The following RALB variants were observed in gnomAD, a reference collection of about 807,000 sequenced individuals.
The protein encoded by RALB is RAS like proto-oncogene B, also known as ras-related protein Ral-B.
In RALB, 16 loss-of-function variants were observed where a neutral mutation model predicts 21.3. That is an observed-to-expected ratio of 0.75 (90% CI 0.51 to 1.14). RALB has a LOEUF of 1.14. RALB is among the 50% of genes most tolerant of loss of function. RALB has a pLI of 0.00. For missense variants in RALB, 161 were observed against 256.2 expected (o/e 0.63, Z 2.54); for synonymous variants, 93 against 96.1 (o/e 0.97, Z 0.19).
chr2:120,253,523 G>C, intron 1 of RALB: 1 of 985,584 alleles, frequency 1.0e-6, no homozygotes, highest in Non-Finnish European at 1.2e-6. Flanking sequence ...TTTCTGATAG[G>C]GGCCAGCGGC....
At chr2:120,284,011 G>C (rs893727098) in intron 2 of RALB, among the ~76,000 whole-genome samples, 2 of 152,164 alleles carry the variant, frequency 1.3e-5, no homozygotes, top group African/African-American at 4.8e-5. Context: ...CTTTATCCTT[G>C]GAAGCTCAGA....
At chr2:120,266,095 A>C (rs1689494777) in intron 1 of RALB, among the ~76,000 whole-genome samples, 1 of 152,192 alleles carries the variant, frequency 6.6e-6, no homozygotes, top group African/African-American at 2.4e-5. Context: ...TAGTTCAGGA[A>C]AGTTATCAGA....
chr2:120,269,026 T>C (rs1558950522), intron 1 of RALB, among the ~76,000 whole-genome samples: 1 of 152,254 alleles, frequency 6.6e-6, no homozygotes, highest in Non-Finnish European at 1.5e-5. Context: ...TCCTCCTAAA[T>C]GGATACATCT....
chr2:120,271,422 T>A (rs557888520), intron 1 of RALB, among the ~76,000 whole-genome samples: 2 of 152,374 alleles, frequency 1.3e-5, no homozygotes, highest in South Asian at 4.1e-4. Flanking sequence ...ACATCCTTAG[T>A]TTGGAGTGTC....
intron 1 of RALB, among the ~76,000 whole-genome samples, chr2:120,261,302 T>C (rs1194277087): frequency 6.6e-6 from 1 of 152,110 alleles, no homozygotes; most frequent in Admixed American, 6.5e-5. Context: ...AATTAAGTTC[T>C]TGGGCATGGT....
At chr2:120,292,867 C>T (rs556786399) in intron 4 of RALB, among the ~76,000 whole-genome samples, 42 of 151,328 alleles carry the variant, frequency 2.8e-4, no homozygotes, top group Non-Finnish European at 4.9e-4. Flanking sequence ...TTGTGTGATA[C>T]GAGCAGTTGT....
intron 1 of RALB, among the ~76,000 whole-genome samples, chr2:120,276,284 T>C (rs972923859): frequency 2.0e-5 from 3 of 152,272 alleles, no homozygotes; most frequent in African/African-American, 7.2e-5. Context: ...AAATAATTGA[T>C]TTCTTGGGCT....
chr2:120,287,774 C>G (rs1690203136), intron 3 of RALB, among the ~76,000 whole-genome samples: 1 of 152,160 alleles, frequency 6.6e-6, no homozygotes, highest in Non-Finnish European at 1.5e-5. Context: ...AAAGAGAGAT[C>G]CTTAGAAGAA....
intron 2 of RALB, among the ~76,000 whole-genome samples, chr2:120,282,205 G>A (rs1017334971): frequency 6.6e-6 from 1 of 152,138 alleles, no homozygotes; most frequent in African/African-American, 2.4e-5. Context: ...GGGGCCGGGC[G>A]CGGTGGCTCA....
In RALB at chr2:120,288,342, G is replaced by GTTTTTTTTTTTTT. The variant is rs547733377; in HGVS notation, c.324-1227_324-1226insTTTTTTTTTTTTT. 1.4e-4 allele frequency among the ~76,000 whole-genome samples: 16 copies of GTTTTTTTTTTTTT among 117,076 alleles called. 3 individuals carry two copies. Among genetic ancestry groups the GTTTTTTTTTTTTT allele is most frequent in the Admixed American group, 1.9e-4 (2 of 10,264 alleles). 76.8% of individuals were successfully genotyped at this position (117,076 alleles called of 152,430 possible). On this transcript the variant is annotated intron_variant, in intron 3 of 4. Coordinates refer to ENST00000272519, the MANE Select transcript of RALB (RefSeq NM_002881.3). ...TTAAATTGACTACATGAAAATTTTAGTTTTTTTTTTTGTTTTTTTTTTTGT... is the reference window on the plus strand; with the variant it reads ...TTAAATTGACTACATGAAAATTTTAGTTTTTTTTTTTTTTTTTTTTTTTTGTTTTTTTTTTTGT...
At chr2:120,244,694 C>T (rs1688942560) in intron 1 of RALB, among the ~76,000 whole-genome samples, 1 of 152,174 alleles carries the variant, frequency 6.6e-6, no homozygotes, top group Non-Finnish European at 1.5e-5. Flanking sequence ...CTACTGTGGG[C>T]CAGATGCTGT....
chr2:120,262,579 T>G (rs1689392464), intron 1 of RALB, among the ~76,000 whole-genome samples: 1 of 152,104 alleles, frequency 6.6e-6, no homozygotes, highest in South Asian at 2.1e-4. Context: ...AGCAGTGTGC[T>G]CCCCTTAAGA....
rs747629158 is a variant in RALB, at chr2:120,286,030, C to T, written c.271C>T (p.Leu91Phe). Reference protein sequence around the residue: ...NYFRSGEGFLLVFSITEHESF... With the variant: ...NYFRSGEGFLFVFSITEHESF... ...CTTTCGGAGTGGGGAAGGGTTTCTT[C>T]TTGTGTTCTCAATCACAGAACATGA... The change falls in exon 3 of 5, where the codon CTT becomes TTT. Residue 91 changes from leucine to phenylalanine, a missense_variant. By Grantham distance (22) the Leu-to-Phe change is conservative (BLOSUM62 0). Coordinates refer to ENST00000272519, the MANE Select transcript of RALB (RefSeq NM_002881.3). 1.2e-6 allele frequency: 2 copies of T among 1,614,014 alleles called. No individual in the cohort carries two copies. Among genetic ancestry groups the T allele is most frequent in the South Asian group, 2.2e-5 (2 of 91,068 alleles).
intron 1 of RALB, among the ~76,000 whole-genome samples, chr2:120,266,232 T>C (rs901173751): frequency 1.3e-5 from 2 of 152,032 alleles, no homozygotes; most frequent in African/African-American, 4.8e-5. Flanking sequence ...CTGGACAACA[T>C]AGTCTCTACA....
At position 120,278,546 on chromosome 2, in the gene RALB, A is replaced by T; in HGVS notation, c.-47-72A>T. ...TGGGTTAGTTAGGCTTTAATGGAGG[A>T]TGTGAATGACATTTGGTTTTAGCTA... On this transcript the variant is annotated intron_variant, in intron 1 of 4. Transcript: ENST00000272519. 9 of 1,294,004 alleles carry T rather than the reference A, an allele frequency of 7.0e-6. No individual in the cohort carries two copies. The South Asian group carries it at 1.6e-4, about 23-fold the overall frequency. 80.2% of individuals were successfully genotyped at this position (1,294,004 alleles called of 1,614,324 possible).
chr2:120,285,809 T>A, intron 2 of RALB, 65 bp from the exon 3 acceptor site: 1 of 1,396,514 alleles, frequency 7.2e-7, no homozygotes, highest in Non-Finnish European at 1.0e-6. Flanking sequence ...TGTGGAATTT[T>A]GTTTTTTGGC....
chr2:120,289,496 A>G lies in RALB; in HGVS notation c.324-84A>G, dbSNP rs1381292961. 8.6e-6 allele frequency: 12 copies of G among 1,392,496 alleles called. No homozygotes were observed. The highest frequency in any genetic ancestry group is 1.2e-5 in the Non-Finnish European group (12 of 1,000,602). 86.3% of individuals were successfully genotyped at this position (1,392,496 alleles called of 1,614,324 possible). On this transcript the variant is annotated intron_variant, in intron 3 of 4. Coordinates refer to ENST00000272519, the MANE Select transcript of RALB (RefSeq NM_002881.3). ...TTTTTTTTTCCTTCTGCCTTAGGAA[A>G]GCCTTTTATTTTAGATGGGTTCACA...
chr2:120,258,227 A>C (rs969327299), intron 1 of RALB, among the ~76,000 whole-genome samples: 31 of 152,234 alleles, frequency 2.0e-4, no homozygotes, highest in African/African-American at 7.5e-4. Context: ...GTCTTGAATG[A>C]TCCCGCCCTT....
chr2:120,259,009 G>C (rs1212662969), intron 1 of RALB, among the ~76,000 whole-genome samples: 4 of 152,104 alleles, frequency 2.6e-5, no homozygotes, highest in African/African-American at 9.7e-5. Context: ...CGCGGTGAGT[G>C]TTACAGCTCT....
Sources: gnomAD v4.1 joint callset for allele counts (sites outside exome capture counted in the v4.1 genomes callset) on GRCh38, gnomAD v4.1.1 for gene constraint, MANE v1.5 for transcripts, NCBI Gene and HGNC (gene_info 2026-07-23, HGNC 2026-07-21) for gene names.